The following PRSS48 variants were observed in gnomAD, a reference collection of about 807,000 sequenced individuals.
PRSS48 encodes serine protease 48.
A neutral mutation model predicts 25.6 loss-of-function variants in PRSS48; 21 were observed. The ratio of observed to expected loss-of-function variants is 0.82; its 90% CI spans 0.58 to 1.18. The LOEUF (loss-of-function observed/expected upper bound fraction) is 1.18, where lower values mean the gene tolerates loss of function less well. PRSS48 is among the 50% of genes most tolerant of loss of function. The pLI is 0.00. For synonymous variants in PRSS48, 150 were observed against 149.3 expected (o/e 1.00, Z -0.04); for missense variants, 373 against 399.3 (o/e 0.93, Z 0.56).
chr4:151,282,385 CG>C lies in PRSS48; in HGVS notation c.455del (p.Gly152AspfsTer61), dbSNP rs758463869. On this transcript the variant is annotated frameshift_variant, in exon 3 of 5. Coordinates refer to ENST00000455694, the Ensembl canonical transcript of PRSS48. LOFTEE classifies it high-confidence loss of function. ...CAATTCCACCCTTTTGTTGGGTGACCGGATGGGGAAAAGTTAAGGAAAGTTC... is the reference window on the plus strand; with the variant it reads ...CAATTCCACCCTTTTGTTGGGTGACCGATGGGGAAAAGTTAAGGAAAGTTC... The C allele has an allele frequency of 1.5e-5, 25 of 1,613,600 alleles. No homozygotes were observed. The highest frequency in any genetic ancestry group is 1.2e-4 in the Admixed American group (7 of 59,966).
chr4:151,283,765 C>A (rs1409317548), intron 4 of PRSS48, among the ~76,000 whole-genome samples: 1 of 152,046 alleles, frequency 6.6e-6, no homozygotes, highest in Non-Finnish European at 1.5e-5. Flanking sequence ...CTCAAGCAAT[C>A]CTTCCTCCTT....
intron 4 of PRSS48, among the ~76,000 whole-genome samples, chr4:151,284,762 G>A (rs892550113): frequency 3.9e-5 from 6 of 152,094 alleles, no homozygotes; most frequent in Admixed American, 6.5e-5. Context: ...CTGTTTCAAC[G>A]GGAAGTCAAC....
chr4:151,277,955 T>G (rs970201635), intron 1 of PRSS48, among the ~76,000 whole-genome samples: 3 of 152,028 alleles, frequency 2.0e-5, no homozygotes, highest in Non-Finnish European at 4.4e-5. Flanking sequence ...GCAGGAGAAG[T>G]GCTTGAGCCT....
intron 4 of PRSS48, among the ~76,000 whole-genome samples, chr4:151,290,621 G>A (rs1775227622): frequency 6.6e-6 from 1 of 152,160 alleles, no homozygotes; most frequent in African/African-American, 2.4e-5. Flanking sequence ...TGTGGTGATG[G>A]TTGTACAACA....
chr4:151,279,098 G>A, intron 1 of PRSS48: 1 of 425,270 alleles, frequency 2.4e-6, no homozygotes, highest in Non-Finnish European at 4.6e-6. Context: ...AGATAAAGCT[G>A]TGGCCCAAGT....
At chr4:151,283,369 G>A (rs1419324534) in intron 4 of PRSS48, 83 bp downstream of exon 4, 2 of 1,286,712 alleles carry the variant, frequency 1.6e-6, no homozygotes, top group Non-Finnish European at 2.2e-6. Flanking sequence ...AATAACAGTG[G>A]ATTGGGAGTC....
intron 4 of PRSS48, among the ~76,000 whole-genome samples, chr4:151,289,717 T>C (rs746140017): frequency 6.6e-6 from 1 of 152,124 alleles, no homozygotes; most frequent in Non-Finnish European, 1.5e-5. Context: ...AAACATAGAA[T>C]TACCATATGA....
chr4:151,277,393 T>C (rs1043594119), intron 1 of PRSS48, among the ~76,000 whole-genome samples, 169 bp downstream of exon 1: 1 of 151,962 alleles, frequency 6.6e-6, no homozygotes, highest in African/African-American at 2.4e-5. Flanking sequence ...ATGCTCCCGA[T>C]TGGAAATAGC....
intron 1 of PRSS48, chr4:151,279,117 A>T: frequency 2.3e-6 from 1 of 437,380 alleles, no homozygotes; most frequent in Non-Finnish European, 4.5e-6. Flanking sequence ...GTATAGGCTG[A>T]CCTGCCAAGG....
chr4:151,285,841 A>G (rs12509608), intron 4 of PRSS48, among the ~76,000 whole-genome samples: 121,523 of 151,716 alleles, frequency 0.8, 51,769 homozygotes, highest in Non-Finnish European at 0.96. Context: ...CACTCCAGCC[A>G]GGACAACAGA....
intron 1 of PRSS48, among the ~76,000 whole-genome samples, chr4:151,277,856 C>T (rs1007677047): frequency 4.1e-4 from 63 of 152,270 alleles, no homozygotes; most frequent in African/African-American, 1.4e-3. Flanking sequence ...GCCTGGGCAA[C>T]ATGGTGAAAC....
At chr4:151,288,073 C>T (rs1712879977) in intron 4 of PRSS48, among the ~76,000 whole-genome samples, 2 of 151,390 alleles carry the variant, frequency 1.3e-5, no homozygotes, top group Admixed American at 6.6e-5. Flanking sequence ...AATCCAACAA[C>T]GCTTCACGTT....
chr4:151,287,805 G>A (rs1470099592), intron 4 of PRSS48, among the ~76,000 whole-genome samples: 2 of 152,122 alleles, frequency 1.3e-5, no homozygotes, highest in East Asian at 1.9e-4. Flanking sequence ...ACTTGAGACC[G>A]GGAGGTCGAG....
intron 4 of PRSS48, among the ~76,000 whole-genome samples, chr4:151,287,449 C>G (rs1774919307): frequency 6.6e-6 from 1 of 151,820 alleles, no homozygotes; most frequent in Admixed American, 6.6e-5. Context: ...AGACCAGTAT[C>G]TTTTATGAAC....
exon 5 of PRSS48, chr4:151,291,340 T>A (rs778972550): frequency 6.2e-7 from 1 of 1,613,800 alleles, no homozygotes. Flanking sequence ...CCTGCGTCCC[T>A]CCTGTGCCTT....
At chr4:151,290,303 T>G (rs1431234470) in intron 4 of PRSS48, among the ~76,000 whole-genome samples, 1 of 152,176 alleles carries the variant, frequency 6.6e-6, no homozygotes, top group African/African-American at 2.4e-5. Context: ...CAATGTCCAT[T>G]AGGTGATGAA....
chr4:151,279,183 C>G, intron 1 of PRSS48: 1 of 319,892 alleles, frequency 3.1e-6, no homozygotes, highest in Non-Finnish European at 6.0e-6. Flanking sequence ...GTATACAGGT[C>G]ACCAGCACAC....
intron 4 of PRSS48, among the ~76,000 whole-genome samples, chr4:151,286,184 G>GAAAAAAAAA (rs56850648): frequency 3.2e-3 from 279 of 86,316 alleles, no homozygotes; most frequent in Non-Finnish European, 4.1e-3. Flanking sequence ...CTGTCTTAAA[G>GAAAAAAAAA]AAAAAAAAAA....
chr4:151,291,478 C>G (rs1561437101), downstream of PRSS48: 1 of 1,444,930 alleles, frequency 6.9e-7, no homozygotes. Flanking sequence ...ACTGCTAACC[C>G]TGGGTGACTT....
Sources: gnomAD v4.1 joint callset for allele counts (sites outside exome capture counted in the v4.1 genomes callset) on GRCh38, gnomAD v4.1.1 for gene constraint, MANE v1.5 for transcripts, NCBI Gene and HGNC (gene_info 2026-07-23, HGNC 2026-07-21) for gene names.